The following PHLDB1 variants were observed in gnomAD, a reference collection of about 807,000 sequenced individuals.
PHLDB1 encodes pleckstrin homology like domain family B member 1.
Under a neutral mutation model 139.3 loss-of-function variants are expected in PHLDB1, and 65 were observed. That is an observed-to-expected ratio of 0.47 (90% CI 0.38 to 0.57). The LOEUF (loss-of-function observed/expected upper bound fraction) is 0.57, where lower values mean the gene tolerates loss of function less well. Ranked by LOEUF, PHLDB1 falls within the 20% of genes least tolerant of loss-of-function variation. The pLI, the probability that PHLDB1 is intolerant of heterozygous loss-of-function variation, is 0.00. For missense variants in PHLDB1, 1,624 were observed against 1,839.7 expected, an observed-to-expected ratio of 0.88 and a Z score of 2.14; for synonymous variants, 679 against 734.5, an observed-to-expected ratio of 0.92 and a Z score of 1.22.
At chr11:118,641,571 A>G (rs1397012327) in intron 12 of PHLDB1, 4 of 1,205,536 alleles carry the variant, frequency 3.3e-6, no homozygotes, top group Admixed American at 5.3e-5. Context: ...TTCTGGTTCC[A>G]TTAACCTCTT....
At chr11:118,619,842 T>C (rs377438433) in intron 4 of PHLDB1, among the ~76,000 whole-genome samples, 1 of 152,208 alleles carries the variant, frequency 6.6e-6, no homozygotes, top group Non-Finnish European at 1.5e-5. Flanking sequence ...CTTGCCTGAT[T>C]ATTCATCTAA....
chr11:118,616,241 G>T (rs372481727), intron 4 of PHLDB1, 30 bp downstream of exon 4: 2 of 1,605,062 alleles, frequency 1.2e-6, no homozygotes, highest in African/African-American at 2.7e-5. Flanking sequence ...GATGGAGGGG[G>T]CCTCTGTTTA....
In PHLDB1 at chr11:118,631,342, C is replaced by A; in HGVS notation, c.1963C>A (p.Arg655=). The change falls in exon 7 of 23, where the codon CGA becomes AGA. Residue 655 remains arginine, a synonymous_variant. Coordinates refer to ENST00000600882, the MANE Select transcript of PHLDB1 (RefSeq NM_001144758.3). ...ALALAGRRPS[R]GLAGASGRSS... is the part of the protein sequence containing the mutation. ...GGCACTGGCAGGCCGGAGGCCCTCA[C>A]GAGGCCTTGCAGGGGCCTCTGGGCG... 6.5e-7 allele frequency: 1 copy of A among 1,535,560 alleles called. No individual in the cohort carries two copies. The highest frequency in any genetic ancestry group is 8.7e-7 in the Non-Finnish European group (1 of 1,143,238).
At chr11:118,607,303 G>A (rs1469909171), upstream of PHLDB1, among the ~76,000 whole-genome samples, 3 of 146,462 alleles carry the variant, frequency 2.0e-5, no homozygotes, top group African/African-American at 7.6e-5. Context: ...AGAGTCGGGA[G>A]GGCAGGGTGG....
At position 118,650,047 on chromosome 11, in the gene PHLDB1, G is replaced by A; in HGVS notation, c.3655-30G>A. Reference sequence around the variant, plus strand: ...AGGGGAATAATGAGGGAAGAGAGGAGACTCTCCTGACCCTCCCTCTTGCTC... The same window carrying A: ...AGGGGAATAATGAGGGAAGAGAGGAAACTCTCCTGACCCTCCCTCTTGCTC... On this transcript the variant is annotated intron_variant, in intron 18 of 22. Transcript: ENST00000600882. This position sits in a 1 kb window ranked among gnomAD's most constrained non-coding sequence, Gnocchi z 4.7. 1.3e-6 allele frequency: 2 copies of A among 1,495,918 alleles called. No homozygotes were observed. Among genetic ancestry groups the A allele is most frequent in the South Asian group, 1.1e-5 (1 of 88,666 alleles). The allele number at this position is 1,495,918 out of a possible 1,614,324, so 92.7% of individuals were successfully genotyped here.
intron 12 of PHLDB1, chr11:118,639,477 C>A: frequency 1.8e-6 from 1 of 540,554 alleles, no homozygotes; most frequent in Non-Finnish European, 3.3e-6. Flanking sequence ...ACAGATTTCA[C>A]TGTTTTTGGT....
intron 4 of PHLDB1, among the ~76,000 whole-genome samples, chr11:118,622,540 TA>T (rs1943040370): frequency 6.6e-6 from 1 of 152,038 alleles, no homozygotes; most frequent in African/African-American, 2.4e-5. Context: ...AACACACAGC[TA>T]TAGGGGCCCA....
rs1020170419 is a variant in PHLDB1, at chr11:118,635,292, C to T, written c.2380-101C>T. 25 of 1,361,384 alleles carry T rather than the reference C, an allele frequency of 1.8e-5. No homozygotes were observed. In the African/African-American group the frequency reaches 2.9e-4, roughly 16 times the overall value. 84.3% of individuals were successfully genotyped at this position (1,361,384 alleles called of 1,614,324 possible). On this transcript the variant is annotated intron_variant, in intron 9 of 22. Coordinates refer to ENST00000600882, the MANE Select transcript of PHLDB1 (RefSeq NM_001144758.3). Reference sequence around the variant, plus strand: ...AGGCAGGTTTCTTACCCAATTTCCCCGGGTCCAGCCCCATACAACGCATGC... The same window carrying T: ...AGGCAGGTTTCTTACCCAATTTCCCTGGGTCCAGCCCCATACAACGCATGC...
chr11:118,628,296 G>A lies in PHLDB1; in HGVS notation c.1473G>A (p.Arg491=). ...ACAGGGAAGTGGCAGAGAGTCCTCG[G>A]CCCCGGCGCTGGGCAGCCCATGGGG... ...KLNREVAESP[R]PRRWAAHGAS... Residue 491 remains arginine (R), a synonymous_variant, in exon 6 of 23, where the codon CGG becomes CGA. Transcript: ENST00000600882. 1 of 1,613,896 alleles carries A rather than the reference G, an allele frequency of 6.2e-7. No homozygotes were observed. Among genetic ancestry groups the A allele is most frequent in the Non-Finnish European group, 8.5e-7 (1 of 1,179,962 alleles).
chr11:118,623,478 T>C (rs944457693), intron 4 of PHLDB1, among the ~76,000 whole-genome samples: 1 of 152,002 alleles, frequency 6.6e-6, no homozygotes, highest in Non-Finnish European at 1.5e-5. Flanking sequence ...TACTCACACT[T>C]CCCGGGCAGG....
chr11:118,641,853 C>T, intron 12 of PHLDB1: 1 of 1,181,178 alleles, frequency 8.5e-7, no homozygotes, highest in Non-Finnish European at 1.1e-6. Flanking sequence ...TTTGCTCCTG[C>T]TCACCTGGCC....
intron 5 of PHLDB1, 99 bp from the exon 6 acceptor site, chr11:118,627,206 C>A: frequency 8.2e-7 from 1 of 1,212,762 alleles, no homozygotes. Flanking sequence ...TTCTCCAGAG[C>A]CTTGTTAGCC....
intron 6 of PHLDB1, among the ~76,000 whole-genome samples, chr11:118,630,571 T>C (rs1326027335): frequency 6.6e-6 from 1 of 152,224 alleles, no homozygotes; most frequent in South Asian, 2.1e-4. Flanking sequence ...CAGCACTGTC[T>C]GTCTGCATAC....
intron 13 of PHLDB1, chr11:118,643,573 A>G: frequency 1.0e-6 from 1 of 985,344 alleles, no homozygotes; most frequent in African/African-American, 1.7e-5. Flanking sequence ...TCTTAGACCC[A>G]GGGTTGGGCT....
At chr11:118,623,417 C>T (rs186847224) in intron 4 of PHLDB1, among the ~76,000 whole-genome samples, 2 of 152,300 alleles carry the variant, frequency 1.3e-5, no homozygotes, top group African/African-American at 4.8e-5. Context: ...GTGCACACTC[C>T]AGGTGCCCCT....
intron 1 of PHLDB1, among the ~76,000 whole-genome samples, chr11:118,609,993 C>T (rs1196796898): frequency 6.6e-6 from 1 of 151,934 alleles, no homozygotes; most frequent in Non-Finnish European, 1.5e-5. Flanking sequence ...GGGCCCCAGC[C>T]TCCCTCTCCT....
At chr11:118,630,069 A>C (rs1325324387) in intron 6 of PHLDB1, 2 of 1,281,440 alleles carry the variant, frequency 1.6e-6, no homozygotes, top group Non-Finnish European at 2.0e-6. Context: ...GGCAAGCAAC[A>C]GGAGGGAAGC....
In PHLDB1 at chr11:118,632,641, C is replaced by T; in HGVS notation, c.2379+345C>T. The T allele has an allele frequency of 4.0e-6, 1 of 251,834 alleles. No homozygotes were observed. The highest frequency in any genetic ancestry group is 7.6e-6 in the Non-Finnish European group (1 of 131,424). The allele number at this position is 251,834 out of a possible 1,614,324, so 15.6% of individuals were successfully genotyped here. ...AAGGGACTGACATTGGGGAGTGATT[C>T]AAGTTCGGGTCCCACCATCTGGAGA... On this transcript the variant is annotated intron_variant, in intron 9 of 22. Coordinates refer to ENST00000600882, the MANE Select transcript of PHLDB1 (RefSeq NM_001144758.3). The surrounding 1 kb of genome is among the most constrained non-coding windows in gnomAD (Gnocchi z 5.9).
intron 1 of PHLDB1, among the ~76,000 whole-genome samples, chr11:118,607,940 C>G (rs1939432813): frequency 6.6e-6 from 1 of 152,200 alleles, no homozygotes; most frequent in South Asian, 2.1e-4. Context: ...GCCAACGCCA[C>G]CGCCAGAGGG....
Sources: allele counts gnomAD v4.1 joint callset (sites outside exome capture counted in the v4.1 genomes callset), GRCh38; gene constraint gnomAD v4.1.1; non-coding constraint Gnocchi (gnomAD v3.1); transcripts MANE v1.5; gene names NCBI Gene and HGNC (gene_info 2026-07-23, HGNC 2026-07-21).